UBE2W: variants seen among roughly 807,000 people sequenced by gnomAD.
The protein encoded by UBE2W is ubiquitin-conjugating enzyme E2 W.
UBE2W carries 18 observed loss-of-function variants against 27.2 expected under a neutral mutation model. The observed-to-expected ratio is 0.66, with a 90% confidence interval of 0.46 to 0.98. UBE2W has a LOEUF of 0.98. Ranked by LOEUF, UBE2W falls within the 50% of genes least tolerant of loss-of-function variation. The pLI is 0.00. For synonymous variants in UBE2W, 53 were observed against 57.2 expected, an observed-to-expected ratio of 0.93 and a Z score of 0.33; for missense variants, 90 against 180.2, an observed-to-expected ratio of 0.50 and a Z score of 2.87.
Position 73,802,880 on chromosome 8 carries a change from G to A in UBE2W, c.442+2771C>T, listed in dbSNP as rs182050893. The stretch of plus-strand genomic sequence containing the variant: ...CTACTAAAAATACAAAAAATTAGCC[G>A]AGCGAGGTGGCGGGCGCCTGTAGTC... On this transcript the variant is annotated intron_variant, in intron 5 of 5. Coordinates refer to ENST00000602593, the MANE Select transcript of UBE2W (RefSeq NM_018299.6). Among the ~76,000 whole-genome samples the A allele has an allele frequency of 1.6e-4, 24 of 151,956 alleles. 1 individual carries two copies. In the East Asian group the frequency reaches 3.3e-3, roughly 21 times the overall value.
At position 73,789,287 on chromosome 8, in the gene UBE2W, A is replaced by G. The variant is rs774021916; in HGVS notation, c.*4815T>C. 1 of 154,162 alleles carries G rather than the reference A, an allele frequency of 6.5e-6. No individual in the cohort carries two copies. The highest frequency in any genetic ancestry group is 1.1e-5 in the Non-Finnish European group (1 of 90,458). The allele number at this position is 154,162 out of a possible 1,614,324, so 9.5% of individuals were successfully genotyped here. On this transcript the variant is annotated 3_prime_UTR_variant, in exon 6 of 6. Coordinates refer to ENST00000602593, the MANE Select transcript of UBE2W (RefSeq NM_018299.6). ...GGAATTCAAGATCAGCCTGGGCAAC[A>G]TGGTGAGACCTCGTGTCTTTAAAAA...
intron 5 of UBE2W, among the ~76,000 whole-genome samples, chr8:73,798,175 T>C (rs1808501166): frequency 6.6e-6 from 1 of 152,104 alleles, no homozygotes; most frequent in African/African-American, 2.4e-5. Flanking sequence ...ACGTTGTCTG[T>C]AGTCCCAGTT....
In UBE2W at chr8:73,870,317, A is replaced by G. The variant is rs1374563720; in HGVS notation, c.15+8491T>C. ...TTCCTGTGGTCTGAAAATACAAAGA[A>G]AGACCTCATGTAACACATGGTCATA... is the stretch of plus-strand genomic sequence containing the variant. On this transcript the variant is annotated intron_variant, in intron 1 of 5. Coordinates refer to ENST00000602593, the MANE Select transcript of UBE2W (RefSeq NM_018299.6). 2.5e-6 allele frequency: 4 copies of G among 1,573,730 alleles called. No homozygotes were observed. The Admixed American group carries it at 7.4e-5, about 29-fold the overall frequency.
At chr8:73,852,886 G>A (rs1811134720) in intron 1 of UBE2W, among the ~76,000 whole-genome samples, 1 of 152,192 alleles carries the variant, frequency 6.6e-6, no homozygotes, top group Non-Finnish European at 1.5e-5. Flanking sequence ...GTCATGTCAT[G>A]TATTTCTTCA....
chr8:73,877,161 TCTTAAA>T (rs752014027), intron 1 of UBE2W, among the ~76,000 whole-genome samples: 2 of 152,226 alleles, frequency 1.3e-5, no homozygotes, highest in African/African-American at 4.8e-5. Context: ...CAGATAATAA[TCTTAAA>T]CTTGTCATAA....
chr8:73,821,376 GA>G (rs1256188881), intron 3 of UBE2W, among the ~76,000 whole-genome samples: 2 of 152,008 alleles, frequency 1.3e-5, no homozygotes. Flanking sequence ...TGCAGGTGCA[GA>G]AAAAGTTAAG....
intron 1 of UBE2W, among the ~76,000 whole-genome samples, chr8:73,839,464 C>T (rs1169055176): frequency 1.3e-5 from 2 of 151,468 alleles, no homozygotes; most frequent in Admixed American, 6.6e-5. Flanking sequence ...CCAACCTGAC[C>T]AACATGGTGA....
At chr8:73,851,941 C>A (rs1323132472) in intron 1 of UBE2W, among the ~76,000 whole-genome samples, 1 of 140,132 alleles carries the variant, frequency 7.1e-6, no homozygotes, top group Non-Finnish European at 1.5e-5. Context: ...CAGTAAGACC[C>A]AGTCTCTCTT....
Position 73,788,632 on chromosome 8 carries a change from G to T in UBE2W, c.*5470C>A. On this transcript the variant is annotated 3_prime_UTR_variant, in exon 6 of 6. Coordinates refer to ENST00000602593, the MANE Select transcript of UBE2W (RefSeq NM_018299.6). ...AAATTGTAAGTTTCAGGCTTCAAAAGAGGCAGGATTATTAAATCTTTCCAT... is the reference window on the plus strand; with the variant it reads ...AAATTGTAAGTTTCAGGCTTCAAAATAGGCAGGATTATTAAATCTTTCCAT... 24 of 985,426 alleles carry T rather than the reference G, an allele frequency of 2.4e-5. No homozygotes were observed. Among genetic ancestry groups the T allele is most frequent in the Non-Finnish European group, 2.9e-5 (24 of 829,936 alleles). 61.0% of individuals were successfully genotyped at this position (985,426 alleles called of 1,614,324 possible). A position where few individuals can be genotyped will look rare whatever the true frequency, so the allele number is the denominator to read the frequency against.
chr8:73,841,308 G>T lies in UBE2W; in HGVS notation c.16-10836C>A, dbSNP rs544121691. On this transcript the variant is annotated intron_variant, in intron 1 of 5. Transcript: ENST00000602593. Reference sequence around the variant, plus strand: ...AATTTACTATTTTTTTTTTAAAACAGAACTAAACTCAGGCTGAGTAAGGAA... The same window carrying T: ...AATTTACTATTTTTTTTTTAAAACATAACTAAACTCAGGCTGAGTAAGGAA... Among the ~76,000 whole-genome samples, 25 of 152,030 alleles carry T rather than the reference G, an allele frequency of 1.6e-4. 1 individual carries two copies. In the South Asian group the frequency reaches 5.0e-3, roughly 30 times the overall value.
Position 73,790,883 on chromosome 8 carries a change from TGAA to T in UBE2W, c.*3216_*3218del, listed in dbSNP as rs1369858254. 4.1e-6 allele frequency: 4 copies of T among 985,174 alleles called. No individual in the cohort carries two copies. Among genetic ancestry groups the T allele is most frequent in the Non-Finnish European group, 4.8e-6 (4 of 829,716 alleles). The allele number at this position is 985,174 out of a possible 1,614,324, so 61.0% of individuals were successfully genotyped here. The stretch of plus-strand genomic sequence containing the variant: ...GTCACTAGACACCTGTTTTAGAATC[TGAA>T]GAAATTATTATCCACCACAGGAATC... On this transcript the variant is annotated 3_prime_UTR_variant, in exon 6 of 6. Coordinates refer to ENST00000602593, the MANE Select transcript of UBE2W (RefSeq NM_018299.6).
intron 1 of UBE2W, among the ~76,000 whole-genome samples, chr8:73,857,490 T>C (rs1370999004): frequency 2.0e-5 from 3 of 152,122 alleles, no homozygotes; most frequent in Non-Finnish European, 2.9e-5. Flanking sequence ...AGTATTTTGA[T>C]AAAGAGCAAG....
intron 1 of UBE2W, among the ~76,000 whole-genome samples, chr8:73,875,992 C>T (rs963543817): frequency 6.6e-6 from 1 of 152,062 alleles, no homozygotes; most frequent in Admixed American, 6.6e-5. Flanking sequence ...GCGGAGGTTG[C>T]AGTGAGCCAA....
At chr8:73,814,673 C>T (rs1361695892) in intron 3 of UBE2W, among the ~76,000 whole-genome samples, 1 of 152,078 alleles carries the variant, frequency 6.6e-6, no homozygotes, top group Non-Finnish European at 1.5e-5. Context: ...CGCACACCAC[C>T]ACGCCTGGCT....
intron 1 of UBE2W, among the ~76,000 whole-genome samples, chr8:73,867,199 G>T (rs924975080): frequency 6.6e-6 from 1 of 151,930 alleles, no homozygotes; most frequent in Non-Finnish European, 1.5e-5. Flanking sequence ...CCAGGAGTTC[G>T]AGACCAGCCT....
intron 1 of UBE2W, among the ~76,000 whole-genome samples, chr8:73,845,053 T>G (rs1478925237): frequency 6.1e-5 from 2 of 32,996 alleles, no homozygotes; most frequent in Admixed American, 5.2e-4. Flanking sequence ...ATCCGGGAGG[T>G]GGCCAGCCCC....
chr8:73,803,280 A>G (rs1376006603), intron 5 of UBE2W, among the ~76,000 whole-genome samples: 1 of 152,202 alleles, frequency 6.6e-6, no homozygotes, highest in Non-Finnish European at 1.5e-5. Flanking sequence ...TATGCAGTGA[A>G]AATATTCCTT....
chr8:73,849,748 A>T (rs1810993759), intron 1 of UBE2W, among the ~76,000 whole-genome samples: 1 of 152,034 alleles, frequency 6.6e-6, no homozygotes, highest in South Asian at 2.1e-4. Context: ...TAGATTGGTT[A>T]AAAAGTATAG....
At chr8:73,878,781 C>A in intron 1 of UBE2W, 27 bp downstream of exon 1, 2 of 1,539,292 alleles carry the variant, frequency 1.3e-6, no homozygotes, top group Non-Finnish European at 1.8e-6. Context: ...CTCCCTGGCC[C>A]GCCCAGATGC....
Sources: gnomAD v4.1 joint callset for allele counts (sites outside exome capture counted in the v4.1 genomes callset) on GRCh38, gnomAD v4.1.1 for gene constraint, MANE v1.5 for transcripts, NCBI Gene and HGNC (gene_info 2026-07-23, HGNC 2026-07-21) for gene names.